The following PARD3B variants were observed in gnomAD, a reference collection of about 807,000 sequenced individuals.
PARD3B encodes par-3 family cell polarity regulator beta.
In PARD3B, 103 loss-of-function variants were observed where a neutral mutation model predicts 130.2. That is an observed-to-expected ratio of 0.79 (90% CI 0.67 to 0.93). The LOEUF is 0.93. PARD3B is among the 40% of genes least tolerant of loss of function. The pLI, the probability that PARD3B is intolerant of heterozygous loss-of-function variation, is 0.00. For synonymous variants in PARD3B, 583 were observed against 553.2 expected, an observed-to-expected ratio of 1.05 and a Z score of -0.76; for missense variants, 1,609 against 1,499.2, an observed-to-expected ratio of 1.07 and a Z score of -1.21.
At chr2:205,071,887 A>C (rs1021220956) in intron 4 of PARD3B, among the ~76,000 whole-genome samples, 37 of 152,324 alleles carry the variant, frequency 2.4e-4, no homozygotes, top group African/African-American at 8.7e-4. Flanking sequence ...CTTAAAAAAA[A>C]CAAAAAATGC....
At position 205,518,513 on chromosome 2, in the gene PARD3B, C is replaced by T. The variant is rs181213491; in HGVS notation, c.3180+18482C>T. Among the ~76,000 whole-genome samples, 113 of 152,106 alleles carry T rather than the reference C, an allele frequency of 7.4e-4. No individual in the cohort carries two copies. The East Asian group carries it at 0.01, about 14-fold the overall frequency. On this transcript the variant is annotated intron_variant, in intron 21 of 22. Coordinates refer to ENST00000406610, the MANE Select transcript of PARD3B (RefSeq NM_001302769.2). ...GGGTCTCTTGAAGACAGCTGTCATT[C>T]GGTCTTACTTTTTTATACAGCTTAC...
At chr2:205,100,532 A>G (rs935060263) in intron 4 of PARD3B, among the ~76,000 whole-genome samples, 1 of 152,116 alleles carries the variant, frequency 6.6e-6, no homozygotes, top group East Asian at 1.9e-4. Flanking sequence ...AGCCAAAGCA[A>G]TCTTGAAAAA....
chr2:205,285,540 C>A (rs1245964858), intron 16 of PARD3B, among the ~76,000 whole-genome samples: 1 of 152,058 alleles, frequency 6.6e-6, no homozygotes, highest in African/African-American at 2.4e-5. Context: ...CCTTGTTGGT[C>A]TTTTCCCATT....
intron 2 of PARD3B, among the ~76,000 whole-genome samples, chr2:204,760,908 A>G (rs921951182): frequency 4.6e-5 from 7 of 152,106 alleles, no homozygotes; most frequent in African/African-American, 1.7e-4. Context: ...CTGTTCAAGG[A>G]TATTTCTTTT....
rs189627675 is a variant in PARD3B at position 204,563,395 on chromosome 2, G to C, written c.120+17276G>C. Among the ~76,000 whole-genome samples, 202 of 152,024 alleles carry C rather than the reference G, an allele frequency of 1.3e-3. 1 individual carries two copies. Among genetic ancestry groups the C allele is most frequent in the Non-Finnish European group, 2.1e-3 (144 of 67,944 alleles). ...TAAGGTCACATTCATAGGTATGGGT[G>C]GGGGGGACTGGGATCTCAACATACT... On this transcript the variant is annotated intron_variant, in intron 1 of 22. Coordinates refer to ENST00000406610, the MANE Select transcript of PARD3B (RefSeq NM_001302769.2).
At chr2:205,148,936 G>A (rs1054471533) in intron 10 of PARD3B, among the ~76,000 whole-genome samples, 16 of 152,184 alleles carry the variant, frequency 1.1e-4, no homozygotes, top group African/African-American at 3.9e-4. Flanking sequence ...GTTCAGCATG[G>A]ATGCTTTCAG....
At chr2:205,118,060 T>TTTTA (rs2030104737) in intron 6 of PARD3B, among the ~76,000 whole-genome samples, 1 of 152,204 alleles carries the variant, frequency 6.6e-6, no homozygotes, top group Non-Finnish European at 1.5e-5. Flanking sequence ...TCCTCTCTAA[T>TTTTA]TTAGCCTCTT....
rs2041589439 is a variant in PARD3B, at chr2:205,291,047, G to A, written c.2186-9483G>A. On this transcript the variant is annotated intron_variant, in intron 16 of 22. Transcript: ENST00000406610. This position sits in a 1 kb window ranked among gnomAD's most constrained non-coding sequence, Gnocchi z 4.6. ...CATTATAGCTGCCCAAATGGACTAA[G>A]ACAAAAATTGGTACCAAGAAGTAAA... Among the ~76,000 whole-genome samples, 1 of 152,070 alleles carries A rather than the reference G, an allele frequency of 6.6e-6. No homozygotes were observed. The highest frequency in any genetic ancestry group is 6.5e-5 in the Admixed American group (1 of 15,270).
intron 18 of PARD3B, among the ~76,000 whole-genome samples, chr2:205,317,636 C>T (rs1316617384): frequency 6.6e-6 from 1 of 152,142 alleles, no homozygotes; most frequent in African/African-American, 2.4e-5. Context: ...CTGATCCTTC[C>T]TCTCTCTTCT....
intron 18 of PARD3B, among the ~76,000 whole-genome samples, chr2:205,370,002 G>A (rs1298840941): frequency 6.6e-6 from 1 of 152,146 alleles, no homozygotes; most frequent in African/African-American, 2.4e-5. Context: ...TGTCCCCAGA[G>A]CCCCTCCCTG....
chr2:204,822,961 TCTTC>T, intron 2 of PARD3B, among the ~76,000 whole-genome samples: 1 of 152,230 alleles, frequency 6.6e-6, no homozygotes, highest in East Asian at 1.9e-4. Flanking sequence ...ATCCTCATCT[TCTTC>T]CTAAGGAATG....
chr2:204,923,871 T>C (rs1483078760), intron 2 of PARD3B, among the ~76,000 whole-genome samples: 1 of 152,074 alleles, frequency 6.6e-6, no homozygotes, highest in Non-Finnish European at 1.5e-5. Flanking sequence ...TCAATTTCAG[T>C]TGCAGTATGT....
chr2:205,326,965 T>C (rs1021522202), intron 18 of PARD3B, among the ~76,000 whole-genome samples: 2 of 152,224 alleles, frequency 1.3e-5, no homozygotes, highest in African/African-American at 4.8e-5. Context: ...TGCTATTTAT[T>C]ACTAAAATAT....
Position 204,965,212 on chromosome 2 carries a change from C to G in PARD3B, c.283C>G (p.Pro95Ala), listed in dbSNP as rs370290799. ...CAAGATTGAGAGCCCCAGTGGAAAC[C>G]CTGCAGATCGGCAGAGCCCAGATGC... ...LHKIESPSGN[P>A]ADRQSPDAFE... Residue 95 changes from proline (P) to alanine (A), a missense_variant, in exon 3 of 23, where the codon CCT becomes GCT. Coordinates refer to ENST00000406610, the MANE Select transcript of PARD3B (RefSeq NM_001302769.2). 1 of 1,613,916 alleles carries G rather than the reference C, an allele frequency of 6.2e-7. No homozygotes were observed. Among genetic ancestry groups the G allele is most frequent in the Non-Finnish European group, 8.5e-7 (1 of 1,179,896 alleles).
intron 1 of PARD3B, among the ~76,000 whole-genome samples, chr2:204,627,672 T>A (rs564196580): frequency 1.3e-5 from 2 of 152,312 alleles, no homozygotes; most frequent in South Asian, 2.1e-4. Flanking sequence ...ATTGATAGTT[T>A]TTTTCCCTTT....
chr2:204,933,728 G>A (rs1161924094), intron 2 of PARD3B, among the ~76,000 whole-genome samples: 2 of 151,970 alleles, frequency 1.3e-5, no homozygotes, highest in Non-Finnish European at 2.9e-5. Flanking sequence ...AGTTTTCCAG[G>A]GTAGCTACTT....
rs145715530 is a variant in PARD3B, at chr2:204,809,836, A to G, written c.222+123554A>G. ...GAATCTGTAAGTTGCTTTGGGCACT[A>G]TGGCCATTTTAATGATATTGATTCT... On this transcript the variant is annotated intron_variant, in intron 2 of 22. Coordinates refer to ENST00000406610, the MANE Select transcript of PARD3B (RefSeq NM_001302769.2). Among the ~76,000 whole-genome samples, 915 of 152,090 alleles carry G rather than the reference A, an allele frequency of 6.0e-3. 15 individuals are homozygous for G. Among genetic ancestry groups the G allele is most frequent in the African/African-American group, 0.021 (857 of 41,538 alleles).
At chr2:205,520,749 ATTTAAGTCATAT>A (rs1419514248) in intron 21 of PARD3B, among the ~76,000 whole-genome samples, 3 of 152,078 alleles carry the variant, frequency 2.0e-5, no homozygotes, top group African/African-American at 7.2e-5. Context: ...AATATACTAT[ATTTAAGTCATAT>A]TTTTTTACTT....
At chr2:204,638,899 T>C (rs941428295) in intron 1 of PARD3B, among the ~76,000 whole-genome samples, 1 of 152,180 alleles carries the variant, frequency 6.6e-6, no homozygotes, top group Non-Finnish European at 1.5e-5. Flanking sequence ...TCTTAGGCCT[T>C]TAGATTCCTC....
Sources: allele counts gnomAD v4.1 joint callset (sites outside exome capture counted in the v4.1 genomes callset), GRCh38; gene constraint gnomAD v4.1.1; non-coding constraint Gnocchi (gnomAD v3.1); transcripts MANE v1.5; gene names NCBI Gene and HGNC (gene_info 2026-07-23, HGNC 2026-07-21).